The following EYS variants were observed in gnomAD, a reference collection of about 807,000 sequenced individuals.
EYS encodes the protein EGF-like photoreceptor maintenance factor.
In EYS, 250 loss-of-function variants were observed where a neutral mutation model predicts 282.1. The observed-to-expected ratio is 0.89, with a 90% confidence interval of 0.80 to 0.98. The LOEUF (loss-of-function observed/expected upper bound fraction) is 0.98, where lower values mean the gene tolerates loss of function less well. Ranked by LOEUF, EYS falls within the 50% of genes least tolerant of loss-of-function variation. The pLI is 0.00. For synonymous variants in EYS, 1,355 were observed against 1,282.9 expected, an observed-to-expected ratio of 1.06 and a Z score of -1.20; for missense variants, 4,016 against 3,709.0, an observed-to-expected ratio of 1.08 and a Z score of -2.15.
chr6:64,299,667 A>G (rs1769165754), intron 30 of EYS, among the ~76,000 whole-genome samples: 1 of 152,214 alleles, frequency 6.6e-6, no homozygotes, highest in Admixed American at 6.5e-5. Flanking sequence ...AAAATTATTG[A>G]AACAGCTGCT....
intron 39 of EYS, among the ~76,000 whole-genome samples, chr6:63,786,942 C>T (rs1296786645): frequency 5.3e-5 from 8 of 151,994 alleles, no homozygotes; most frequent in Admixed American, 3.9e-4. Flanking sequence ...GGTAACAATA[C>T]GCCATGATTT....
chr6:64,855,398 G>T (rs190223799), intron 19 of EYS, among the ~76,000 whole-genome samples: 1 of 151,582 alleles, frequency 6.6e-6, no homozygotes, highest in East Asian at 1.9e-4. Context: ...CTTTTCTCTA[G>T]TTTTTTTCTT....
In EYS at chr6:64,014,237, G is replaced by A. The variant is rs367968758; in HGVS notation, c.6726-15054C>T. ...AACAAAAAGTAATTCAGATGATATTGGTAGGTGGAGATTCACTCACATTAG... is the reference window on the plus strand; with the variant it reads ...AACAAAAAGTAATTCAGATGATATTAGTAGGTGGAGATTCACTCACATTAG... On this transcript the variant is annotated intron_variant, in intron 33 of 42. Transcript: ENST00000503581. 2.6e-5 allele frequency among the ~76,000 whole-genome samples: 4 copies of A among 151,556 alleles called. No individual in the cohort carries two copies. The East Asian group carries it at 7.7e-4, about 29-fold the overall frequency.
intron 22 of EYS, among the ~76,000 whole-genome samples, chr6:64,782,734 T>C (rs1212518427): frequency 6.6e-6 from 1 of 152,216 alleles, no homozygotes; most frequent in Non-Finnish European, 1.5e-5. Flanking sequence ...AAATGTGCCA[T>C]TAAAGTCCAT....
intron 13 of EYS, among the ~76,000 whole-genome samples, chr6:65,030,263 C>A (rs1772555344): frequency 6.6e-6 from 1 of 152,092 alleles, no homozygotes; most frequent in African/African-American, 2.4e-5. Context: ...CTGCTTGCAG[C>A]ACAGTGTCAG....
chr6:64,205,814 TACACAC>T (rs147264812), intron 31 of EYS, among the ~76,000 whole-genome samples: 6 of 136,280 alleles, frequency 4.4e-5, no homozygotes, highest in African/African-American at 1.4e-4. Context: ...TAGGCATTCA[TACACAC>T]ACACACACAC....
At chr6:64,328,989 C>T (rs1267464855) in intron 29 of EYS, among the ~76,000 whole-genome samples, 1 of 152,100 alleles carries the variant, frequency 6.6e-6, no homozygotes, top group South Asian at 2.1e-4. Flanking sequence ...CTGGCCAGAA[C>T]CCCCTACTGC....
intron 5 of EYS, among the ~76,000 whole-genome samples, chr6:65,409,774 A>C (rs1199264299): frequency 6.6e-6 from 1 of 152,128 alleles, no homozygotes; most frequent in Non-Finnish European, 1.5e-5. Context: ...ACAAAATATT[A>C]AGTTACTTAG....
chr6:65,210,261 A>AATG (rs1554167140), intron 12 of EYS, among the ~76,000 whole-genome samples: 1 of 151,976 alleles, frequency 6.6e-6, no homozygotes, highest in Non-Finnish European at 1.5e-5. Flanking sequence ...TCACAGGCAT[A>AATG]ATGTTTCAGT....
intron 12 of EYS, among the ~76,000 whole-genome samples, chr6:65,284,266 T>A (rs1343104477): frequency 6.6e-6 from 1 of 152,120 alleles, no homozygotes; most frequent in Non-Finnish European, 1.5e-5. Context: ...AATTTTGTGC[T>A]TTTTATTTTG....
chr6:65,064,299 T>C (rs1773672004), intron 12 of EYS, among the ~76,000 whole-genome samples: 1 of 143,164 alleles, frequency 7.0e-6, no homozygotes, highest in Non-Finnish European at 1.5e-5. Context: ...ATACTATTCT[T>C]CTCTTTATTT....
intron 31 of EYS, among the ~76,000 whole-genome samples, chr6:64,126,723 C>A (rs1484205208): frequency 1.3e-5 from 2 of 152,046 alleles, no homozygotes; most frequent in African/African-American, 4.8e-5. Context: ...AGGTCCTTGT[C>A]AATGTCTGTA....
intron 2 of EYS, among the ~76,000 whole-genome samples, chr6:65,552,998 C>A (rs149577094): frequency 1.1e-3 from 166 of 152,176 alleles, no homozygotes; most frequent in African/African-American, 3.9e-3. Context: ...TGATTCAAAT[C>A]GGCACTTTGG....
intron 31 of EYS, among the ~76,000 whole-genome samples, chr6:64,173,593 G>A (rs879440636): frequency 2.0e-5 from 3 of 152,182 alleles, no homozygotes; most frequent in Non-Finnish European, 4.4e-5. Flanking sequence ...TTTTTGTAAA[G>A]GCCACTCATA....
At chr6:64,259,571 G>A (rs1767512949) in intron 30 of EYS, among the ~76,000 whole-genome samples, 1 of 151,670 alleles carries the variant, frequency 6.6e-6, no homozygotes, top group African/African-American at 2.4e-5. Flanking sequence ...TTTGATATGT[G>A]TGCCAATTAG....
chr6:63,840,732 G>A (rs1324449691), intron 36 of EYS, among the ~76,000 whole-genome samples: 1 of 151,890 alleles, frequency 6.6e-6, no homozygotes, highest in African/African-American at 2.4e-5. Context: ...AGAGAGAGGG[G>A]TCTAGTTTCA....
Position 65,285,729 on chromosome 6 carries a change from T to A in EYS, c.2023+10134A>T, listed in dbSNP as rs185004841. 1.8e-3 allele frequency among the ~76,000 whole-genome samples: 280 copies of A among 152,106 alleles called. 2 individuals carry two copies. The highest frequency in any genetic ancestry group is 6.4e-3 in the African/African-American group (264 of 41,550). On this transcript the variant is annotated intron_variant, in intron 12 of 42. Transcript: ENST00000503581. ...ATTAAATGATAGAAAATGTCCTAAG[T>A]GTACAAATCGAGAAATATTACTGTC... is the stretch of plus-strand genomic sequence containing the variant.
At chr6:64,158,179 A>C (rs1448961910) in intron 31 of EYS, among the ~76,000 whole-genome samples, 1 of 152,196 alleles carries the variant, frequency 6.6e-6, no homozygotes, top group African/African-American at 2.4e-5. Context: ...TTAATGTATT[A>C]ACTTATATTT....
Position 65,681,391 on chromosome 6 carries a change from T to A in EYS, c.-448+25744A>T, listed in dbSNP as rs974225359. 2.5e-4 allele frequency among the ~76,000 whole-genome samples: 38 copies of A among 152,130 alleles called. No homozygotes were observed. The Middle Eastern group carries it at 0.01, about 41-fold the overall frequency. On this transcript the variant is annotated intron_variant, in intron 1 of 42. Transcript: ENST00000503581. ...GAAATGGGGTCAAAGACCAAATGTATATTTCATAATACCACACTTTGAAGA... is the reference window on the plus strand; with the variant it reads ...GAAATGGGGTCAAAGACCAAATGTAAATTTCATAATACCACACTTTGAAGA...
Sources: allele counts gnomAD v4.1 joint callset (sites outside exome capture counted in the v4.1 genomes callset), GRCh38; gene constraint gnomAD v4.1.1; transcripts MANE v1.5; gene names NCBI Gene and HGNC (gene_info 2026-07-23, HGNC 2026-07-21).